The following ZNF395 variants were observed in gnomAD, a reference collection of about 807,000 sequenced individuals.
ZNF395 encodes the protein zinc finger protein 395.
A neutral mutation model predicts 57.7 loss-of-function variants in ZNF395; 20 were observed. The observed-to-expected ratio is 0.35, with a 90% CI of 0.24 to 0.50. The LOEUF (loss-of-function observed/expected upper bound fraction) is 0.50. Among genes scored for constraint, ZNF395 ranks in the 20% least tolerant of loss-of-function variants. ZNF395 has a pLI of 0.97. For missense variants in ZNF395, 606 were observed against 671.2 expected (o/e 0.90, Z 1.07); for synonymous variants, 295 against 275.9 (o/e 1.07, Z -0.69).
At chr8:28,369,297 A>C (rs1801949175) in intron 1 of ZNF395, among the ~76,000 whole-genome samples, 1 of 152,146 alleles carries the variant, frequency 6.6e-6, no homozygotes. Context: ...TTTGGAACTC[A>C]AATGTCACTT....
intron 1 of ZNF395, among the ~76,000 whole-genome samples, chr8:28,376,625 CA>C (rs559439042): frequency 6.6e-4 from 96 of 145,250 alleles, no homozygotes; most frequent in Non-Finnish European, 1.1e-3. Flanking sequence ...TGTCTCAAAA[CA>C]AAAAAAAAAG....
chr8:28,364,578 C>T (rs372275360), intron 1 of ZNF395, among the ~76,000 whole-genome samples: 9 of 147,766 alleles, frequency 6.1e-5, no homozygotes, highest in East Asian at 2.0e-4. Flanking sequence ...CGCTTGAACC[C>T]GGGAGGCAGA....
At chr8:28,374,493 A>G (rs149427109) in intron 1 of ZNF395, among the ~76,000 whole-genome samples, 1 of 152,316 alleles carries the variant, frequency 6.6e-6, no homozygotes, top group East Asian at 1.9e-4. Flanking sequence ...AAAAGAAAAG[A>G]AACAGTCCCT....
chr8:28,381,245 G>A (rs138520030), intron 1 of ZNF395, among the ~76,000 whole-genome samples: 1,563 of 151,914 alleles, frequency 0.01, 24 homozygotes, highest in African/African-American at 0.036. Context: ...GTTTCACTGC[G>A]TTAGCCAGGA....
chr8:28,360,438 G>T (rs1450581141), intron 2 of ZNF395, among the ~76,000 whole-genome samples: 1 of 152,224 alleles, frequency 6.6e-6, no homozygotes, highest in Non-Finnish European at 1.5e-5. Context: ...GGGCAGGGAT[G>T]CTGGAAAAGG....
chr8:28,361,001 C>A lies in ZNF395; in HGVS notation c.124G>T (p.Ala42Ser), dbSNP rs142226591. 5 of 1,610,894 alleles carry A rather than the reference C, an allele frequency of 3.1e-6. No homozygotes were observed. The highest frequency in any genetic ancestry group is 1.3e-5 in the African/African-American group (1 of 75,008). Residue 42 changes from alanine (A) to serine (S), a missense_variant, in exon 2 of 10, where the codon GCT (alanine) becomes TCT (serine). Physicochemically the swap from Ala to Ser is moderately conservative, Grantham distance 99. Transcript: ENST00000344423. ...PPSEPLLEGA[A>S]PQPFTTSDDT... ...TCAGAGGTGGTGAAAGGCTGGGGAG[C>A]GGCCCCTTCTAGCAGTGGCTCCGAG...
chr8:28,351,937 C>T, intron 6 of ZNF395, 130 bp from the exon 7 acceptor site: 1 of 1,050,290 alleles, frequency 9.5e-7, no homozygotes, highest in Non-Finnish European at 1.4e-6. Flanking sequence ...CAAGAGAACA[C>T]CCAGGTGCCT....
At position 28,356,261 on chromosome 8, in the gene ZNF395, T is replaced by C. The variant is rs553163300; in HGVS notation, c.583+409A>G. Among the ~76,000 whole-genome samples, 4 of 152,334 alleles carry C rather than the reference T, an allele frequency of 2.6e-5. No individual in the cohort carries two copies. Among genetic ancestry groups the C allele is most frequent in the South Asian group, 2.1e-4 (1 of 4,828 alleles). ...CCCACACTAATTTATGAGGCTGAATTAGGCACGTGGAATGAGGGCATGAAT... is the reference window on the plus strand; with the variant it reads ...CCCACACTAATTTATGAGGCTGAATCAGGCACGTGGAATGAGGGCATGAAT... On this transcript the variant is annotated intron_variant, in intron 4 of 9. Transcript: ENST00000344423. The surrounding 1 kb of genome is among the most constrained non-coding windows in gnomAD (Gnocchi z 4.0).
At chr8:28,382,895 T>C (rs1036726870) in intron 1 of ZNF395, among the ~76,000 whole-genome samples, 2 of 152,196 alleles carry the variant, frequency 1.3e-5, no homozygotes, top group Non-Finnish European at 2.9e-5. Context: ...AAAATAGAAA[T>C]GTCAGAGATG....
intron 2 of ZNF395, 138 bp downstream of exon 2, chr8:28,360,747 A>T: frequency 8.2e-7 from 1 of 1,212,920 alleles, no homozygotes; most frequent in Non-Finnish European, 1.1e-6. Context: ...TCTGCTGCCC[A>T]GGTGCCCTGT....
chr8:28,379,621 C>T (rs1247027133), intron 1 of ZNF395, among the ~76,000 whole-genome samples: 1 of 152,196 alleles, frequency 6.6e-6, no homozygotes, highest in Non-Finnish European at 1.5e-5. Context: ...TGCCCCTCCT[C>T]AGTGGACCTG....
Position 28,355,177 on chromosome 8 carries a change from A to G in ZNF395, c.583+1493T>C, listed in dbSNP as rs557019141. Among the ~76,000 whole-genome samples, 8 of 152,346 alleles carry G rather than the reference A, an allele frequency of 5.3e-5. No homozygotes were observed. In the South Asian group the frequency reaches 1.7e-3, roughly 32 times the overall value. ...AAATGCACGGCACTCAGAGCTTACA[A>G]GTGAACTTTTAAGAAATATTTATAA... is the stretch of plus-strand genomic sequence containing the variant. On this transcript the variant is annotated intron_variant, in intron 4 of 9. Coordinates refer to ENST00000344423, the MANE Select transcript of ZNF395 (RefSeq NM_018660.3).
intron 1 of ZNF395, among the ~76,000 whole-genome samples, chr8:28,381,167 G>T (rs753841898): frequency 6.6e-6 from 1 of 151,838 alleles, no homozygotes; most frequent in African/African-American, 2.4e-5. Flanking sequence ...TCAGCCTCCC[G>T]AGCAGCTTGG....
chr8:28,361,001 CG>C lies in ZNF395; in HGVS notation c.123del (p.Ala42LeufsTer63). 6.2e-7 allele frequency: 1 copy of C among 1,610,896 alleles called. No individual in the cohort carries two copies. The highest frequency in any genetic ancestry group is 8.5e-7 in the Non-Finnish European group (1 of 1,178,342). ...TCAGAGGTGGTGAAAGGCTGGGGAG[CG>C]GCCCCTTCTAGCAGTGGCTCCGAGG... ...APPSEPLLEG[A>X]APQPFTTSDD... On this transcript the variant is annotated frameshift_variant, in exon 2 of 10. Transcript: ENST00000344423. LOFTEE classifies it high-confidence loss of function.
intron 1 of ZNF395, among the ~76,000 whole-genome samples, chr8:28,373,789 C>T (rs543352995): frequency 1.0e-3 from 157 of 152,208 alleles, no homozygotes; most frequent in African/African-American, 2.0e-3. Flanking sequence ...CCTGTGAGGC[C>T]GGTGAGCATC....
At chr8:28,377,719 T>C (rs1802057990) in intron 1 of ZNF395, among the ~76,000 whole-genome samples, 1 of 147,266 alleles carries the variant, frequency 6.8e-6, no homozygotes, top group African/African-American at 2.5e-5. Flanking sequence ...TTAGTCATCA[T>C]CCCGAATAGA....
At chr8:28,364,522 C>A (rs765683166) in intron 1 of ZNF395, among the ~76,000 whole-genome samples, 1 of 151,998 alleles carries the variant, frequency 6.6e-6, no homozygotes, top group Non-Finnish European at 1.5e-5. Context: ...GGTGTGGTGG[C>A]GTGCACTTGT....
rs368272157 is a variant in ZNF395, at chr8:28,348,318, T to C, written c.*401A>G. On this transcript the variant is annotated 3_prime_UTR_variant, in exon 10 of 10. Transcript: ENST00000344423. ...AGTAAATTCATCTTGCTCACAGTCC[T>C]TTCTGGAAGAGTTTAGAAAGCAAAG... The C allele has an allele frequency of 5.3e-4, 80 of 151,710 alleles. No individual in the cohort carries two copies. In the South Asian group the frequency reaches 0.012, roughly 24 times the overall value. 9.4% of individuals were successfully genotyped at this position (151,710 alleles called of 1,614,324 possible).
At chr8:28,364,653 C>CAAAAAAA (rs1221074238) in intron 1 of ZNF395, among the ~76,000 whole-genome samples, 1 of 44,120 alleles carries the variant, frequency 2.3e-5, no homozygotes, top group Non-Finnish European at 5.0e-5. Flanking sequence ...GACTCCGTCT[C>CAAAAAAA]AAAAAAAAAA....
Sources: allele counts gnomAD v4.1 joint callset (sites outside exome capture counted in the v4.1 genomes callset), GRCh38; gene constraint gnomAD v4.1.1; non-coding constraint Gnocchi (gnomAD v3.1); transcripts MANE v1.5; gene names NCBI Gene and HGNC (gene_info 2026-07-23, HGNC 2026-07-21).